The following DMD variants were observed in gnomAD, a reference collection of about 807,000 sequenced individuals.
DMD encodes the protein mutant dystrophin.
Under a neutral mutation model 330.1 loss-of-function variants are expected in DMD, and 63 were observed. The ratio of observed to expected loss-of-function variants is 0.19; its 90% CI spans 0.16 to 0.24. The LOEUF is 0.24. DMD is among the 10% of genes least tolerant of loss of function. DMD has a pLI of 1.00. For missense variants in DMD, 3,344 were observed against 2,684.1 expected, an observed-to-expected ratio of 1.25 and a Z score of -5.43; for synonymous variants, 1,223 against 959.8, an observed-to-expected ratio of 1.27 and a Z score of -5.07.
intron 16 of DMD, among the ~76,000 whole-genome samples, chrX:32,561,713 G>A (rs2051032503): frequency 9.0e-6 from 1 of 111,309 alleles, no homozygotes; most frequent in Non-Finnish European, 1.9e-5. Context: ...AAGATACTGA[G>A]CAGACCAACC....
intron 59 of DMD, among the ~76,000 whole-genome samples, chrX:31,445,159 C>T (rs187470583): frequency 8.9e-6 from 1 of 112,091 alleles, no homozygotes; most frequent in Admixed American, 9.5e-5. Context: ...ATAATGATAA[C>T]TACTATTTGT....
chrX:32,413,898 T>C (rs1008005281), intron 29 of DMD, among the ~76,000 whole-genome samples: 4 of 109,222 alleles, frequency 3.7e-5, no homozygotes, highest in African/African-American at 1.3e-4. Context: ...TTTTTGTATT[T>C]TTAGTAGAGA....
chrX:32,536,972 A>T (rs775937795), intron 17 of DMD, among the ~76,000 whole-genome samples: 19 of 112,070 alleles, frequency 1.7e-4, no homozygotes, highest in Non-Finnish European at 3.2e-4. Flanking sequence ...AATTTCATAC[A>T]GAAAAATTTC....
At chrX:31,157,063 C>T (rs1249595462) in intron 74 of DMD, among the ~76,000 whole-genome samples, 5 of 111,741 alleles carry the variant, frequency 4.5e-5, no homozygotes, top group Non-Finnish European at 7.5e-5. Context: ...TGACCCAATA[C>T]GCTAGGTATG....
At chrX:32,870,152 CAG>C (rs754962990) in intron 2 of DMD, among the ~76,000 whole-genome samples, 26 of 111,769 alleles carry the variant, frequency 2.3e-4, no homozygotes, top group African/African-American at 7.8e-4. Flanking sequence ...CAACAATAGA[CAG>C]AGAGCCAAAT....
chrX:31,192,736 C>G (rs2042506166), intron 67 of DMD, among the ~76,000 whole-genome samples: 1 of 111,891 alleles, frequency 8.9e-6, no homozygotes, highest in Non-Finnish European at 1.9e-5. Flanking sequence ...TTAAGATTAT[C>G]TACGATTTTA....
At chrX:32,124,326 T>C (rs921618754) in intron 44 of DMD, among the ~76,000 whole-genome samples, 3 of 112,479 alleles carry the variant, frequency 2.7e-5, no homozygotes, top group East Asian at 5.6e-4. Flanking sequence ...GGAACCATGA[T>C]TCGGACCAAC....
At chrX:31,674,120 A>T (rs1046201845) in intron 53 of DMD, among the ~76,000 whole-genome samples, 27 of 112,046 alleles carry the variant, frequency 2.4e-4, no homozygotes, top group African/African-American at 8.8e-4. Context: ...TTAATTTTGT[A>T]CAACTCCAAA....
In DMD at chrX:33,007,968, C is replaced by T. The variant is rs147850196; in HGVS notation, c.93+12171G>A. Among the ~76,000 whole-genome samples, 1,043 of 110,730 alleles carry T rather than the reference C, an allele frequency of 9.4e-3. 11 individuals carry two copies. The highest frequency in any genetic ancestry group is 0.033 in the African/African-American group (994 of 30,521). Reference sequence around the variant, plus strand: ...AGGTAAACTAAATCAAAGAAAGAAACATTTAGCAAATTCATCTGCAACTCT... The same window carrying T: ...AGGTAAACTAAATCAAAGAAAGAAATATTTAGCAAATTCATCTGCAACTCT... On this transcript the variant is annotated intron_variant, in intron 2 of 78. Transcript: ENST00000357033.
intron 12 of DMD, among the ~76,000 whole-genome samples, chrX:32,597,363 G>C (rs1654368097): frequency 9.0e-6 from 1 of 111,632 alleles, no homozygotes. Context: ...TTCTCACTAT[G>C]TATTACAAGC....
intron 55 of DMD, among the ~76,000 whole-genome samples, chrX:31,518,665 G>T (rs369998882): frequency 1.5e-4 from 16 of 110,180 alleles, no homozygotes; most frequent in East Asian, 1.1e-3. Flanking sequence ...ATGAGGGGTG[G>T]GGGTAGGGTA....
chrX:31,182,040 A>T (rs1034566130), intron 68 of DMD, among the ~76,000 whole-genome samples: 1 of 112,569 alleles, frequency 8.9e-6, no homozygotes, highest in African/African-American at 3.2e-5. Context: ...CTTGTTTTCC[A>T]TGATATTTTA....
At chrX:33,211,678 G>C (rs1368453418), upstream of DMD, 1 of 524,697 alleles carries the variant, frequency 1.9e-6, no homozygotes, top group Admixed American at 6.0e-5. Flanking sequence ...ATAAGGTTGT[G>C]CTTCCAGCAT....
At chrX:31,933,529 T>C (rs1485386647) in intron 45 of DMD, among the ~76,000 whole-genome samples, 3 of 111,925 alleles carry the variant, frequency 2.7e-5, no homozygotes, top group Non-Finnish European at 5.6e-5. Context: ...TTGTTGTCTT[T>C]TGGGAACTAT....
chrX:32,821,873 C>A lies in DMD; in HGVS notation c.357+1422G>T, dbSNP rs60776343. On this transcript the variant is annotated intron_variant, in intron 5 of 78. Coordinates refer to ENST00000357033, the MANE Select transcript of DMD (RefSeq NM_004006.3). ...TGGTGGAAAAGTGCCAAAATTAGATCGCTATGATGGCTATATAACTCTGTA... is the reference window on the plus strand; with the variant it reads ...TGGTGGAAAAGTGCCAAAATTAGATAGCTATGATGGCTATATAACTCTGTA... Among the ~76,000 whole-genome samples the A allele has an allele frequency of 9.1e-5, 10 of 110,055 alleles. No individual in the cohort carries two copies. In the East Asian group the frequency reaches 2.6e-3, roughly 29 times the overall value.
chrX:33,240,685 T>A (rs1289484521), intron 1 of DMD, among the ~76,000 whole-genome samples: 1 of 111,888 alleles, frequency 8.9e-6, no homozygotes, highest in Admixed American at 9.5e-5. Flanking sequence ...CCACCAACGG[T>A]GTGCAAGGGT....
intron 13 of DMD, among the ~76,000 whole-genome samples, chrX:32,595,115 G>C (rs808544): frequency 0.42 from 46,273 of 110,566 alleles, 8,265 homozygotes; most frequent in African/African-American, 0.7. Flanking sequence ...AGCCATTAAA[G>C]GGGTATGCAA....
intron 11 of DMD, among the ~76,000 whole-genome samples, chrX:32,634,069 C>G (rs1015186614): frequency 3.6e-5 from 4 of 111,523 alleles, no homozygotes; most frequent in African/African-American, 1.3e-4. Flanking sequence ...GGCACCCCAC[C>G]CAAAAGATAA....
chrX:31,479,993 T>C (rs1328419734), intron 57 of DMD, among the ~76,000 whole-genome samples: 1 of 112,057 alleles, frequency 8.9e-6, no homozygotes, highest in African/African-American at 3.2e-5. Flanking sequence ...ACCCAGATTC[T>C]TTGATCTCAG....
Sources: gnomAD v4.1 joint callset for allele counts (sites outside exome capture counted in the v4.1 genomes callset) on GRCh38, gnomAD v4.1.1 for gene constraint, MANE v1.5 for transcripts, NCBI Gene and HGNC (gene_info 2026-07-23, HGNC 2026-07-21) for gene names.